RFX3: variants seen among roughly 807,000 people sequenced by gnomAD.
The protein encoded by RFX3 is regulatory factor X3.
RFX3 carries 14 observed loss-of-function variants against 98.6 expected under a neutral mutation model. The observed-to-expected ratio is 0.14, with a 90% CI of 0.09 to 0.22. The LOEUF is 0.22. Ranked by LOEUF, RFX3 falls within the 10% of genes least tolerant of loss-of-function variation. The pLI is 1.00. For missense variants in RFX3, 639 were observed against 926.9 expected (o/e 0.69, Z 4.03); for synonymous variants, 383 against 328.4 (o/e 1.17, Z -1.80).
At chr9:3,397,593 G>C (rs1293564071) in intron 1 of RFX3, among the ~76,000 whole-genome samples, 2 of 152,286 alleles carry the variant, frequency 1.3e-5, no homozygotes, top group East Asian at 3.9e-4. Context: ...GAGAGATTAA[G>C]AGACTTGTTC....
chr9:3,496,897 G>A (rs1003429903), intron 1 of RFX3, among the ~76,000 whole-genome samples: 1 of 151,972 alleles, frequency 6.6e-6, no homozygotes, highest in African/African-American at 2.4e-5. Flanking sequence ...GCATACAACT[G>A]TCTCATACAG....
intron 1 of RFX3, among the ~76,000 whole-genome samples, chr9:3,485,558 T>A (rs1433364564): frequency 6.6e-6 from 1 of 152,248 alleles, no homozygotes; most frequent in African/African-American, 2.4e-5. Flanking sequence ...TCCCTCTGTA[T>A]TTGTTATCAA....
Position 3,370,494 on chromosome 9 carries a change from A to ATT in RFX3, c.118-23732_118-23731dup, listed in dbSNP as rs911705007. ...AAAAATTATTTTTTAAAAACTATTA[A>ATT]TTATATATATATATAATCTGTGAAT... is the stretch of plus-strand genomic sequence containing the variant. On this transcript the variant is annotated intron_variant, in intron 2 of 16. Coordinates refer to ENST00000617270, the MANE Select transcript of RFX3 (RefSeq NM_001282116.2). Among the ~76,000 whole-genome samples the ATT allele has an allele frequency of 1.8e-4, 28 of 151,498 alleles. 1 individual carries two copies. In the Middle Eastern group the frequency reaches 0.034, roughly 185 times the overall value.
intron 9 of RFX3, 149 bp from the exon 10 acceptor site, chr9:3,271,267 G>T: frequency 1.9e-6 from 1 of 530,196 alleles, no homozygotes; most frequent in Non-Finnish European, 3.2e-6. Flanking sequence ...TTTACCAAAG[G>T]AAGTGGAAGA....
chr9:3,486,905 T>A (rs1306900596), intron 1 of RFX3, among the ~76,000 whole-genome samples: 1 of 152,162 alleles, frequency 6.6e-6, no homozygotes, highest in Non-Finnish European at 1.5e-5. Context: ...TTGGGTAAAG[T>A]GAAAACATAT....
chr9:3,365,988 CAGT>C (rs1837020115), intron 2 of RFX3, among the ~76,000 whole-genome samples: 1 of 151,946 alleles, frequency 6.6e-6, no homozygotes, highest in Non-Finnish European at 1.5e-5. Flanking sequence ...GTGTGGCAGT[CAGT>C]GGTGCAGCGG....
rs1327274872 is a variant in RFX3 at position 3,219,387 on chromosome 9, T to A, written c.*5655A>T. 6.6e-6 allele frequency: 1 copy of A among 151,102 alleles called. No homozygotes were observed. Among genetic ancestry groups the A allele is most frequent in the Non-Finnish European group, 1.5e-5 (1 of 67,884 alleles). 9.4% of individuals were successfully genotyped at this position (151,102 alleles called of 1,614,324 possible). A position where few individuals can be genotyped will look rare whatever the true frequency, so the allele number is the denominator to read the frequency against. On this transcript the variant is annotated 3_prime_UTR_variant, in exon 17 of 17. Coordinates refer to ENST00000617270, the MANE Select transcript of RFX3 (RefSeq NM_001282116.2). Reference sequence around the variant, plus strand: ...TTGTTGTCCTCGTTATTGAGCTACATAAACAATTCTTACCAAAGATTTTCA... The same window carrying A: ...TTGTTGTCCTCGTTATTGAGCTACAAAAACAATTCTTACCAAAGATTTTCA...
At chr9:3,455,892 A>G (rs937074968) in intron 1 of RFX3, among the ~76,000 whole-genome samples, 10 of 152,316 alleles carry the variant, frequency 6.6e-5, no homozygotes, top group Admixed American at 3.3e-4. Context: ...AACAGTCTAC[A>G]CTTGTGTTTT....
At chr9:3,523,378 C>A (rs1564203943) in intron 1 of RFX3, among the ~76,000 whole-genome samples, 1 of 151,914 alleles carries the variant, frequency 6.6e-6, no homozygotes, top group Non-Finnish European at 1.5e-5. Context: ...TTAAATTTAC[C>A]ATTTCTCAGT....
intron 1 of RFX3, among the ~76,000 whole-genome samples, chr9:3,491,138 T>A (rs551770986): frequency 1.3e-5 from 2 of 152,052 alleles, no homozygotes; most frequent in Non-Finnish European, 2.9e-5. Context: ...CCATTAGACA[T>A]AGAAAAGTAA....
chr9:3,387,352 T>C (rs930403716), intron 2 of RFX3, among the ~76,000 whole-genome samples: 21 of 152,168 alleles, frequency 1.4e-4, no homozygotes, highest in African/African-American at 4.8e-4. Context: ...CTGATCACAA[T>C]GATCTAACTC....
In RFX3 at chr9:3,492,404, C is replaced by A. The variant is rs143423995; in HGVS notation, c.-9+33343G>T. 1.5e-3 allele frequency among the ~76,000 whole-genome samples: 228 copies of A among 152,370 alleles called. 1 individual carries two copies. Among genetic ancestry groups the A allele is most frequent in the African/African-American group, 5.3e-3 (219 of 41,588 alleles). ...CCCTTGGGCCACTCACTTTAGAGAG[C>A]TTGCTTTGGCCCTCTGGCCAGGTAC... On this transcript the variant is annotated intron_variant, in intron 1 of 16. Transcript: ENST00000617270.
intron 1 of RFX3, among the ~76,000 whole-genome samples, chr9:3,455,000 G>C (rs114410418): frequency 3.9e-5 from 6 of 152,058 alleles, no homozygotes; most frequent in Admixed American, 1.3e-4. Context: ...TCCCTGACAA[G>C]TCCCATTTCT....
intron 15 of RFX3, among the ~76,000 whole-genome samples, chr9:3,245,913 A>T (rs2130926308): frequency 6.6e-6 from 1 of 152,252 alleles, no homozygotes; most frequent in Non-Finnish European, 1.5e-5. Flanking sequence ...GGACCAAGAG[A>T]AGGTAGGCTT....
chr9:3,490,507 C>T (rs1366621697), intron 1 of RFX3, among the ~76,000 whole-genome samples: 3 of 151,986 alleles, frequency 2.0e-5, no homozygotes, highest in African/African-American at 4.8e-5. Flanking sequence ...CATGAATGCA[C>T]TGATATTTTT....
intron 15 of RFX3, among the ~76,000 whole-genome samples, chr9:3,231,481 A>G (rs1318441358): frequency 6.6e-6 from 1 of 152,198 alleles, no homozygotes; most frequent in Non-Finnish European, 1.5e-5. Flanking sequence ...AGTCAGATCA[A>G]TTTGGAAATA....
chr9:3,516,270 G>C (rs779976458), intron 1 of RFX3, among the ~76,000 whole-genome samples: 1 of 151,966 alleles, frequency 6.6e-6, no homozygotes, highest in Non-Finnish European at 1.5e-5. Flanking sequence ...GGATGGTCTA[G>C]ATCTCCTGAC....
At chr9:3,312,766 G>A (rs1009193246) in intron 4 of RFX3, among the ~76,000 whole-genome samples, 5 of 152,158 alleles carry the variant, frequency 3.3e-5, no homozygotes, top group Non-Finnish European at 7.4e-5. Flanking sequence ...CTCGCTCACT[G>A]CTAGCACACC....
At chr9:3,267,395 T>C (rs1276069609) in intron 11 of RFX3, among the ~76,000 whole-genome samples, 2 of 151,990 alleles carry the variant, frequency 1.3e-5, no homozygotes, top group African/African-American at 4.8e-5. Flanking sequence ...TCCTTGGTTT[T>C]TCTTTCTGTG....
Sources: allele counts gnomAD v4.1 joint callset (sites outside exome capture counted in the v4.1 genomes callset), GRCh38; gene constraint gnomAD v4.1.1; transcripts MANE v1.5; gene names NCBI Gene and HGNC (gene_info 2026-07-23, HGNC 2026-07-21).